Variants in CORO2A observed in about 807,000 individuals in gnomAD.
CORO2A encodes the protein coronin-2A.
Under a neutral mutation model 62.4 loss-of-function variants are expected in CORO2A, and 47 were observed. The ratio of observed to expected loss-of-function variants is 0.75; its 90% CI spans 0.60 to 0.96. The LOEUF is 0.96. Ranked by LOEUF, CORO2A falls within the 40% of genes least tolerant of loss-of-function variation. The pLI, the probability that CORO2A is intolerant of heterozygous loss-of-function variation, is 0.00. For synonymous variants in CORO2A, 273 were observed against 268.9 expected (o/e 1.02, Z -0.15); for missense variants, 610 against 684.1 (o/e 0.89, Z 1.21).
chr9:98,157,759 G>C, intron 1 of CORO2A, 99 bp from the exon 2 acceptor site: 1 of 1,155,440 alleles, frequency 8.7e-7, no homozygotes, highest in Non-Finnish European at 1.3e-6. Flanking sequence ...GGTACGAGCA[G>C]GACAGTGGTC....
intron 1 of CORO2A, 88 bp from the exon 2 acceptor site, chr9:98,157,748 G>A (rs1411568868): frequency 7.8e-7 from 1 of 1,276,960 alleles, no homozygotes; most frequent in Non-Finnish European, 1.1e-6. Context: ...GTACATAAGA[G>A]GGTACGAGCA....
At chr9:98,130,506 CAA>C (rs1292306470) in intron 7 of CORO2A, among the ~76,000 whole-genome samples, 1 of 152,224 alleles carries the variant, frequency 6.6e-6, no homozygotes, top group East Asian at 1.9e-4. Flanking sequence ...AGAGCAGCAG[CAA>C]AAGTCAGAAC....
intron 1 of CORO2A, among the ~76,000 whole-genome samples, chr9:98,185,809 C>A (rs1247120213): frequency 6.6e-6 from 1 of 152,238 alleles, no homozygotes; most frequent in East Asian, 1.9e-4. Context: ...AGGAGAGACC[C>A]TGGCCCAAGG....
intron 1 of CORO2A, among the ~76,000 whole-genome samples, chr9:98,166,128 A>C (rs1170508605): frequency 1.3e-5 from 2 of 152,240 alleles, no homozygotes; most frequent in East Asian, 1.9e-4. Context: ...GAGTATGGAG[A>C]AACATGTTAA....
intron 2 of CORO2A, among the ~76,000 whole-genome samples, chr9:98,141,800 AT>A (rs1827572354): frequency 6.6e-6 from 1 of 152,278 alleles, no homozygotes; most frequent in East Asian, 1.9e-4. Flanking sequence ...ATGAATAATC[AT>A]TTCTTCCTTG....
Position 98,152,126 on chromosome 9 carries a change from G to GTTTT in CORO2A, c.201+5330_201+5333dup, listed in dbSNP as rs3055383. Among the ~76,000 whole-genome samples, 276 of 142,072 alleles carry GTTTT rather than the reference G, an allele frequency of 1.9e-3. 2 individuals carry two copies. The highest frequency in any genetic ancestry group is 4.9e-3 in the East Asian group (24 of 4,886). 93.2% of individuals were successfully genotyped at this position (142,072 alleles called of 152,430 possible). A position where few individuals can be genotyped will look rare whatever the true frequency, so the allele number is the denominator to read the frequency against. ...GCCACTGCACCCGGCCTCTTTTGCTGTTTTTTTTTTTTGTTTTTTCTTTAA... is the reference window on the plus strand; with the variant it reads ...GCCACTGCACCCGGCCTCTTTTGCTGTTTTTTTTTTTTTTTTGTTTTTTCTTTAA... On this transcript the variant is annotated intron_variant, in intron 2 of 11. Transcript: ENST00000375077.
rs372389188 is a variant in CORO2A at position 98,124,170 on chromosome 9, C to G, written c.*604G>C. ...CTGGAATTACAGGCGCCTGCCACCA[C>G]GCCCAGCTAATTTTTTTGTATTTTT... On this transcript the variant is annotated 3_prime_UTR_variant, in exon 12 of 12. Coordinates refer to ENST00000375077, the MANE Select transcript of CORO2A (RefSeq NM_052820.4). The G allele has an allele frequency of 1.3e-5, 2 of 152,084 alleles. No homozygotes were observed. The highest frequency in any genetic ancestry group is 4.8e-5 in the African/African-American group (2 of 41,478). 9.4% of individuals were successfully genotyped at this position (152,084 alleles called of 1,614,324 possible). A position where few individuals can be genotyped will look rare whatever the true frequency, so the allele number is the denominator to read the frequency against.
chr9:98,137,514 C>A, intron 3 of CORO2A, 58 bp downstream of exon 3: 1 of 1,430,958 alleles, frequency 7.0e-7, no homozygotes, highest in South Asian at 1.1e-5. Flanking sequence ...CCATTCCACC[C>A]CAACCACCCC....
intron 2 of CORO2A, among the ~76,000 whole-genome samples, chr9:98,138,623 G>A (rs1827522543): frequency 6.6e-6 from 1 of 152,226 alleles, no homozygotes; most frequent in Non-Finnish European, 1.5e-5. Context: ...ACTAGAAGAA[G>A]AGGCCAGGCA....
chr9:98,143,914 T>C (rs1827607963), intron 2 of CORO2A, among the ~76,000 whole-genome samples: 1 of 152,210 alleles, frequency 6.6e-6, no homozygotes, highest in Non-Finnish European at 1.5e-5. Flanking sequence ...AATAGGTTTT[T>C]AAATGCTTCT....
Position 98,126,777 on chromosome 9 carries a change from G to T in CORO2A, c.1218C>A (p.Pro406=), listed in dbSNP as rs201915406. The T allele has an allele frequency of 1.4e-4, 218 of 1,614,170 alleles. No homozygotes were observed. Among genetic ancestry groups the T allele is most frequent in the Non-Finnish European group, 1.7e-4 (205 of 1,180,018 alleles). Residue 406 remains proline (P), a synonymous_variant, in exon 11 of 12, where the codon CCC becomes CCA. Coordinates refer to ENST00000375077, the MANE Select transcript of CORO2A (RefSeq NM_052820.4). ...TAGGTCTCTCTGCAGGCAGTGGGTGGGGTCTCAGCAGCTCAGAGCCAGGCC... is the reference window on the plus strand; with the variant it reads ...TAGGTCTCTCTGCAGGCAGTGGGTGTGGTCTCAGCAGCTCAGAGCCAGGCC... ...SLRPGSELLR[P]HPLPAERPIF...
chr9:98,188,766 T>C (rs1253838599), intron 1 of CORO2A, among the ~76,000 whole-genome samples: 5 of 151,892 alleles, frequency 3.3e-5, no homozygotes, highest in Non-Finnish European at 5.9e-5. Context: ...CGAGACTCTG[T>C]CTCAGAAAAC....
intron 6 of CORO2A, 37 bp from the exon 7 acceptor site, chr9:98,131,096 C>G: frequency 6.9e-7 from 1 of 1,455,036 alleles, no homozygotes; most frequent in Non-Finnish European, 9.5e-7. Context: ...GCCTGGGTCA[C>G]TCCTGGGGGC....
intron 1 of CORO2A, among the ~76,000 whole-genome samples, chr9:98,160,968 A>G (rs986275101): frequency 6.6e-6 from 1 of 152,228 alleles, no homozygotes; most frequent in African/African-American, 2.4e-5. Flanking sequence ...CATGTTTCAG[A>G]TGGTGCATCT....
chr9:98,148,793 A>G (rs972083368), intron 2 of CORO2A, among the ~76,000 whole-genome samples: 2 of 132,900 alleles, frequency 1.5e-5, no homozygotes, highest in African/African-American at 5.7e-5. Flanking sequence ...AAAACAAAAC[A>G]CACACACACA....
At chr9:98,171,458 G>T (rs1737459425) in intron 1 of CORO2A, among the ~76,000 whole-genome samples, 2 of 152,214 alleles carry the variant, frequency 1.3e-5, no homozygotes, top group African/African-American at 4.8e-5. Context: ...TAGGGGAGAT[G>T]CATGGGCAGA....
chr9:98,187,987 G>A lies in CORO2A; in HGVS notation c.-1+4572C>T, dbSNP rs937203017. 3.9e-5 allele frequency among the ~76,000 whole-genome samples: 6 copies of A among 152,270 alleles called. No individual in the cohort carries two copies. In the South Asian group the frequency reaches 6.2e-4, roughly 16 times the overall value. ...AAAGCGGGATAAAAAGAGTAGCTCC[G>A]TCATACACTCGCAGGATTCCATTAT... On this transcript the variant is annotated intron_variant, in intron 1 of 11. Coordinates refer to ENST00000375077, the MANE Select transcript of CORO2A (RefSeq NM_052820.4).
At chr9:98,160,638 C>G (rs1454390041) in intron 1 of CORO2A, among the ~76,000 whole-genome samples, 1 of 152,164 alleles carries the variant, frequency 6.6e-6, no homozygotes, top group African/African-American at 2.4e-5. Context: ...TGGGCCTGGG[C>G]TCGGGTGGGA....
chr9:98,155,049 T>A (rs1301177811), intron 2 of CORO2A, among the ~76,000 whole-genome samples: 1 of 152,230 alleles, frequency 6.6e-6, no homozygotes, highest in African/African-American at 2.4e-5. Context: ...AAGTGTCTGA[T>A]CGTTTACACA....
Sources: allele counts gnomAD v4.1 joint callset (sites outside exome capture counted in the v4.1 genomes callset), GRCh38; gene constraint gnomAD v4.1.1; transcripts MANE v1.5; gene names NCBI Gene and HGNC (gene_info 2026-07-23, HGNC 2026-07-21).